Variants in ABCB5 observed in about 807,000 individuals in gnomAD.
ABCB5 encodes ATP binding cassette subfamily B member 5.
A neutral mutation model predicts 144.2 loss-of-function variants in ABCB5; 155 were observed. The ratio of observed to expected loss-of-function variants is 1.08; its 90% CI spans 0.94 to 1.23. The LOEUF (loss-of-function observed/expected upper bound fraction) is 1.23, where lower values mean the gene tolerates loss of function less well. Among genes scored for constraint, ABCB5 ranks in the 50% most tolerant of loss-of-function variants. The probability of loss-of-function intolerance (pLI) is 0.00; values close to 1 mark genes in which losing one functional copy is unlikely to be tolerated. For synonymous variants in ABCB5, 610 were observed against 528.6 expected (o/e 1.15, Z -2.11); for missense variants, 1,830 against 1,520.8 (o/e 1.20, Z -3.38).
chr7:20,661,365 G>A (rs1441239795), intron 14 of ABCB5, among the ~76,000 whole-genome samples: 1 of 152,048 alleles, frequency 6.6e-6, no homozygotes, highest in Non-Finnish European at 1.5e-5. Context: ...CCACTTGAAC[G>A]TAAACTCTCT....
intron 14 of ABCB5, chr7:20,667,666 C>A (rs965349002): frequency 3.6e-6 from 2 of 561,334 alleles, no homozygotes; most frequent in South Asian, 8.9e-5. Flanking sequence ...ATAACATTCG[C>A]CTCTGCCCCT....
At chr7:20,705,948 G>A (rs2128044789) in intron 20 of ABCB5, among the ~76,000 whole-genome samples, 1 of 152,202 alleles carries the variant, frequency 6.6e-6, no homozygotes, top group East Asian at 1.9e-4. Flanking sequence ...CTAATTTTAT[G>A]ATGGAGAAAG....
At chr7:20,653,711 T>C (rs1232545109) in intron 13 of ABCB5, among the ~76,000 whole-genome samples, 1 of 152,206 alleles carries the variant, frequency 6.6e-6, no homozygotes, top group East Asian at 1.9e-4. Context: ...AAATCACCTG[T>C]GGCGATGAGG....
intron 15 of ABCB5, among the ~76,000 whole-genome samples, chr7:20,682,908 T>C (rs1166596143): frequency 1.3e-5 from 2 of 152,148 alleles, no homozygotes. Flanking sequence ...TCACATAACT[T>C]TCTCATTAGG....
intron 14 of ABCB5, among the ~76,000 whole-genome samples, chr7:20,665,850 G>A (rs1343671111): frequency 7.5e-6 from 1 of 133,716 alleles, no homozygotes; most frequent in Non-Finnish European, 1.6e-5. Context: ...TCTATTTGTT[G>A]AAAGGATTTT....
intron 5 of ABCB5, among the ~76,000 whole-genome samples, chr7:20,641,186 T>C (rs1784287295): frequency 6.6e-6 from 1 of 152,196 alleles, no homozygotes; most frequent in African/African-American, 2.4e-5. Flanking sequence ...ATCTTGTCTT[T>C]GTCCCAGTCT....
At chr7:20,717,437 CTTTTTTTT>C (rs557306157) in intron 20 of ABCB5, among the ~76,000 whole-genome samples, 1 of 133,002 alleles carries the variant, frequency 7.5e-6, no homozygotes, top group African/African-American at 2.9e-5. Context: ...CAGATTTCCT[CTTTTTTTT>C]TTTTTTTTTT....
chr7:20,750,966 C>T (rs558468988), intron 26 of ABCB5, among the ~76,000 whole-genome samples: 1 of 152,190 alleles, frequency 6.6e-6, no homozygotes, highest in Admixed American at 6.5e-5. Context: ...ACAGTATCAC[C>T]CAGTGGCAGC....
chr7:20,643,518 C>T lies in ABCB5; in HGVS notation c.564C>T (p.Asn188=), dbSNP rs1288058297. ...IGDKIALLFQ[N]MSTFSIGLAV... is the part of the protein sequence containing the mutation. ...ATAAGATTGCTCTGTTGTTTCAAAA[C>T]ATGTCTACTTTTTCGATTGGCCTGG... is the stretch of plus-strand genomic sequence containing the variant. Residue 188 remains asparagine (N), a synonymous_variant, in exon 7 of 28, where the codon AAC becomes AAT. Transcript: ENST00000404938. The T allele has an allele frequency of 1.9e-6, 3 of 1,613,864 alleles. No individual in the cohort carries two copies. Among genetic ancestry groups the T allele is most frequent in the African/African-American group, 1.3e-5 (1 of 74,928 alleles).
At chr7:20,755,397 C>T in intron 27 of ABCB5, 30 bp from the exon 28 acceptor site, 1 of 1,605,276 alleles carries the variant, frequency 6.2e-7, no homozygotes, top group Non-Finnish European at 8.5e-7. Context: ...CTAACTCAAA[C>T]TGGTGATCAC....
In ABCB5 at chr7:20,700,207, CTCAAG is replaced by C. The variant is rs566828936; in HGVS notation, c.2337+77_2337+81del. ...TAAAACATTCTAGCTTTAATTCTGT[CTCAAG>C]TCAATTTTTGACATAATCTTTCTTT... On this transcript the variant is annotated intron_variant, in intron 19 of 27. Coordinates refer to ENST00000404938, the MANE Select transcript of ABCB5 (RefSeq NM_001163941.2). 9.8e-4 allele frequency: 1,273 copies of C among 1,302,284 alleles called. 9 individuals carry two copies. Among genetic ancestry groups the C allele is most frequent in the Non-Finnish European group, 5.8e-5 (55 of 951,550 alleles). The allele number at this position is 1,302,284 out of a possible 1,614,324, so 80.7% of individuals were successfully genotyped here.
intron 19 of ABCB5, 57 bp downstream of exon 19, chr7:20,700,192 T>C: frequency 2.2e-6 from 3 of 1,393,862 alleles, no homozygotes; most frequent in South Asian, 1.4e-5. Flanking sequence ...TAAAACATTC[T>C]AGCTTTAATT....
At chr7:20,748,367 T>TAGA (rs199790883) in intron 26 of ABCB5, among the ~76,000 whole-genome samples, 62,094 of 151,788 alleles carry the variant, frequency 0.41, 13,740 homozygotes, top group African/African-American at 0.59. Flanking sequence ...ATTAATTTTA[T>TAGA]CTGAAGGTGT....
intron 9 of ABCB5, 109 bp from the exon 10 acceptor site, chr7:20,647,426 A>G: frequency 7.2e-7 from 1 of 1,392,582 alleles, no homozygotes; most frequent in Non-Finnish European, 9.3e-7. Context: ...TTCTTACCTA[A>G]TTCCTCTAAT....
rs1164802940 is a variant in ABCB5, at chr7:20,650,060, GAC to G, written c.1247_1248del (p.Thr416SerfsTer23). The G allele has an allele frequency of 6.2e-7, 1 of 1,613,510 alleles. No homozygotes were observed. Among genetic ancestry groups the G allele is most frequent in the East Asian group, 2.2e-5 (1 of 44,884 alleles). On this transcript the variant is annotated frameshift_variant, in exon 12 of 28. Coordinates refer to ENST00000404938, the MANE Select transcript of ABCB5 (RefSeq NM_001163941.2). LOFTEE classifies it high-confidence loss of function. ...GLNLRIKSGE[T>X]VALVGLNGSG... ...TGAATCTCAGAATTAAGTCTGGAGA[GAC>G]AGTCGCCTTGGTCGGTCTCAATGGC...
rs150547502 is a variant in ABCB5, at chr7:20,729,423, A to G, written c.2867+968A>G. On this transcript the variant is annotated intron_variant, in intron 23 of 27. Coordinates refer to ENST00000404938, the MANE Select transcript of ABCB5 (RefSeq NM_001163941.2). ...TAAGCAAATAATCCAGAAGAAACAC[A>G]TATAAATGAGTGTTTCCCTTCAAAA... Among the ~76,000 whole-genome samples, 299 of 152,318 alleles carry G rather than the reference A, an allele frequency of 2.0e-3. 1 individual carries two copies. Among genetic ancestry groups the G allele is most frequent in the African/African-American group, 6.9e-3 (286 of 41,562 alleles).
chr7:20,665,152 T>C (rs1159689512), intron 14 of ABCB5, among the ~76,000 whole-genome samples: 3 of 152,202 alleles, frequency 2.0e-5, no homozygotes, highest in African/African-American at 7.2e-5. Context: ...AGAGTTTACA[T>C]TTTGAAAGTG....
intron 1 of ABCB5, among the ~76,000 whole-genome samples, chr7:20,618,296 G>T (rs1012113332): frequency 3.9e-5 from 6 of 152,126 alleles, no homozygotes; most frequent in African/African-American, 1.4e-4. Flanking sequence ...GAATTATATA[G>T]TATGTTGTCT....
chr7:20,618,773 T>TC (rs1241741248), intron 1 of ABCB5, among the ~76,000 whole-genome samples: 18 of 125,108 alleles, frequency 1.4e-4, no homozygotes, highest in Non-Finnish European at 2.5e-4. Flanking sequence ...TCTTTTTTTT[T>TC]TTTTTTTTTT....
Sources: gnomAD v4.1 joint callset for allele counts (sites outside exome capture counted in the v4.1 genomes callset) on GRCh38, gnomAD v4.1.1 for gene constraint, MANE v1.5 for transcripts, NCBI Gene and HGNC (gene_info 2026-07-23, HGNC 2026-07-21) for gene names.